Variants in GALNT13 observed in about 807,000 individuals in gnomAD.
The protein encoded by GALNT13 is polypeptide N-acetylgalactosaminyltransferase 13, also known as UDP-GalNAc:polypeptide N-acetylgalactosaminyltransferase 13.
Under a neutral mutation model 64.2 loss-of-function variants are expected in GALNT13, and 28 were observed. The observed-to-expected ratio is 0.44, with a 90% CI of 0.32 to 0.60. GALNT13 has a LOEUF of 0.60. Among genes scored for constraint, GALNT13 ranks in the 20% least tolerant of loss-of-function variants. The probability of loss-of-function intolerance (pLI) is 0.05; values close to 1 mark genes in which losing one functional copy is unlikely to be tolerated. For synonymous variants in GALNT13, 214 were observed against 224.6 expected (o/e 0.95, Z 0.42); for missense variants, 577 against 669.8 (o/e 0.86, Z 1.53).
At chr2:154,120,889 T>G (rs147631038) in intron 3 of GALNT13, among the ~76,000 whole-genome samples, 2,373 of 152,232 alleles carry the variant, frequency 0.016, 57 homozygotes, top group African/African-American at 0.054. Context: ...CACTATGACC[T>G]GCACTTCCTT....
At chr2:154,085,088 G>A (rs2105424187) in intron 3 of GALNT13, among the ~76,000 whole-genome samples, 1 of 151,986 alleles carries the variant, frequency 6.6e-6, no homozygotes, top group South Asian at 2.1e-4. Context: ...TGTTCCTACT[G>A]AGGCATGGTA....
chr2:154,080,082 C>G (rs1394401642), intron 3 of GALNT13, among the ~76,000 whole-genome samples: 2 of 151,330 alleles, frequency 1.3e-5, no homozygotes, highest in African/African-American at 4.8e-5. Flanking sequence ...TTTTAAAAAC[C>G]CAACATTGTT....
chr2:154,447,714 G>A (rs1701664987), intron 12 of GALNT13, among the ~76,000 whole-genome samples: 1 of 151,782 alleles, frequency 6.6e-6, no homozygotes, highest in African/African-American at 2.4e-5. Context: ...CAACATATGG[G>A]GTACTATTTT....
At chr2:154,418,076 G>C (rs957746214) in intron 11 of GALNT13, among the ~76,000 whole-genome samples, 3 of 151,898 alleles carry the variant, frequency 2.0e-5, no homozygotes, top group Non-Finnish European at 4.4e-5. Context: ...AGAATTTGTT[G>C]TTTTTCTTTT....
At chr2:154,180,530 G>GT (rs142240096) in intron 4 of GALNT13, among the ~76,000 whole-genome samples, 21,591 of 151,694 alleles carry the variant, frequency 0.14, 1,540 homozygotes, top group Middle Eastern at 0.18. Flanking sequence ...AAATAGATTT[G>GT]TTTTTTTCTG....
At chr2:153,941,686 T>G (rs755373346) in intron 2 of GALNT13, among the ~76,000 whole-genome samples, 45 of 152,218 alleles carry the variant, frequency 3.0e-4, no homozygotes, top group Non-Finnish European at 5.9e-4. Flanking sequence ...AGAGGAATAT[T>G]GAAATACAAT....
At chr2:153,256,316 A>G in the GALNT13 span, among the ~76,000 whole-genome samples, 4 of 152,156 alleles carry the variant, frequency 2.6e-5, no homozygotes, top group Non-Finnish European at 4.4e-5. Flanking sequence ...TTTCAGCTCC[A>G]TCAGCTCCTT....
chr2:153,629,283 C>T, the GALNT13 span, among the ~76,000 whole-genome samples: 1 of 151,564 alleles, frequency 6.6e-6, no homozygotes. Flanking sequence ...CAGCATGATA[C>T]TGGTACCAAA....
At chr2:153,109,852 A>G in the GALNT13 span, among the ~76,000 whole-genome samples, 1 of 152,138 alleles carries the variant, frequency 6.6e-6, no homozygotes, top group East Asian at 1.9e-4. Flanking sequence ...AAAGCTAAAC[A>G]GTTTTATTTG....
At chr2:154,324,410 A>G (rs1011697036) in intron 9 of GALNT13, among the ~76,000 whole-genome samples, 3 of 152,078 alleles carry the variant, frequency 2.0e-5, no homozygotes, top group African/African-American at 7.2e-5. Context: ...GAGGATATTC[A>G]GCAATACAAC....
intron 3 of GALNT13, among the ~76,000 whole-genome samples, chr2:154,025,791 A>T (rs745685751): frequency 6.6e-6 from 1 of 152,204 alleles, no homozygotes; most frequent in Non-Finnish European, 1.5e-5. Flanking sequence ...CAATACTTTC[A>T]TTCAATTCAG....
At chr2:153,690,355 G>C in the GALNT13 span, among the ~76,000 whole-genome samples, 1 of 152,060 alleles carries the variant, frequency 6.6e-6, no homozygotes, top group Non-Finnish European at 1.5e-5. Context: ...ATATTTAACT[G>C]TCTTCATGCT....
At chr2:154,248,802 C>T (rs546709301) in intron 7 of GALNT13, among the ~76,000 whole-genome samples, 6 of 152,118 alleles carry the variant, frequency 3.9e-5, no homozygotes, top group Non-Finnish European at 8.8e-5. Context: ...ATGTTCCTGA[C>T]ACTGAGGCTG....
intron 9 of GALNT13, among the ~76,000 whole-genome samples, chr2:154,382,828 T>A (rs1698336485): frequency 6.6e-6 from 1 of 151,912 alleles, no homozygotes; most frequent in Admixed American, 6.6e-5. Context: ...TTCTTAGTAG[T>A]GTGTCTTAAC....
At chr2:153,838,638 T>A in the GALNT13 span, among the ~76,000 whole-genome samples, 1 of 151,974 alleles carries the variant, frequency 6.6e-6, no homozygotes, top group African/African-American at 2.4e-5. Context: ...TCTGTTTTAA[T>A]GCCAGTTCCA....
chr2:154,371,547 G>A (rs767256767), intron 9 of GALNT13, among the ~76,000 whole-genome samples: 1 of 152,026 alleles, frequency 6.6e-6, no homozygotes, highest in South Asian at 2.1e-4. Context: ...TAAAGGGAGA[G>A]AAACTGATGA....
the GALNT13 span, among the ~76,000 whole-genome samples, chr2:153,367,511 G>C: frequency 4.7e-4 from 72 of 152,138 alleles, no homozygotes; most frequent in African/African-American, 1.5e-3. Flanking sequence ...GATTACCCTG[G>C]ATACTTGTAT....
intron 4 of GALNT13, among the ~76,000 whole-genome samples, chr2:154,188,943 A>G (rs1483540129): frequency 6.6e-6 from 1 of 152,184 alleles, no homozygotes; most frequent in Non-Finnish European, 1.5e-5. Context: ...CACTTTTGCA[A>G]CAACTTAATA....
At chr2:154,247,601 T>A (rs1689848569) in intron 7 of GALNT13, among the ~76,000 whole-genome samples, 1 of 152,094 alleles carries the variant, frequency 6.6e-6, no homozygotes, top group Non-Finnish European at 1.5e-5. Flanking sequence ...AAATTACTGA[T>A]CTCATTCATA....
Sources: allele counts gnomAD v4.1 joint callset (sites outside exome capture counted in the v4.1 genomes callset), GRCh38; gene constraint gnomAD v4.1.1; transcripts MANE v1.5; gene names NCBI Gene and HGNC (gene_info 2026-07-23, HGNC 2026-07-21).